Variants in RHEBL1 observed in about 807,000 individuals in gnomAD.
The protein encoded by RHEBL1 is RHEB like 1.
RHEBL1 carries 22 observed loss-of-function variants against 27.4 expected under a neutral mutation model. The observed-to-expected ratio is 0.80, with a 90% CI of 0.57 to 1.15. The LOEUF (loss-of-function observed/expected upper bound fraction) is 1.15. Among genes scored for constraint, RHEBL1 ranks in the 50% most tolerant of loss-of-function variants. The pLI is 0.00. For synonymous variants in RHEBL1, 85 were observed against 80.8 expected (o/e 1.05, Z -0.28); for missense variants, 186 against 226.5 (o/e 0.82, Z 1.15).
intron 6 of RHEBL1, 40 bp from the exon 7 acceptor site, chr12:49,065,471 T>C (rs748026660): frequency 4.0e-6 from 6 of 1,508,168 alleles, no homozygotes; most frequent in Non-Finnish European, 2.8e-6. Context: ...AGGATAGAAA[T>C]GTCAGTAAGT....
At chr12:49,066,917 C>T (rs1353635040) in intron 3 of RHEBL1, 51 bp downstream of exon 3, 1 of 1,445,806 alleles carries the variant, frequency 6.9e-7, no homozygotes, top group African/African-American at 1.4e-5. Context: ...TACCAGACTT[C>T]ATCTCCGAGG....
In RHEBL1 at chr12:49,069,930, A is replaced by C; in HGVS notation, c.-145T>G. ...GGGCAAGTTAGAAGGAAACCAAAAC[A>C]AGCGCCGCGCCCGGAGCTGCCCACG... is the stretch of plus-strand genomic sequence containing the variant. On this transcript the variant is annotated 5_prime_UTR_variant, in exon 1 of 8. Transcript: ENST00000301068. 1.5e-6 allele frequency: 1 copy of C among 681,146 alleles called. No individual in the cohort carries two copies. Among genetic ancestry groups the C allele is most frequent in the Non-Finnish European group, 2.6e-6 (1 of 385,766 alleles). The allele number at this position is 681,146 out of a possible 1,614,324, so 42.2% of individuals were successfully genotyped here. A position where few individuals can be genotyped will look rare whatever the true frequency, so the allele number is the denominator to read the frequency against.
At chr12:49,068,027 TAA>T (rs1219413277) in intron 2 of RHEBL1, among the ~76,000 whole-genome samples, 1 of 152,210 alleles carries the variant, frequency 6.6e-6, no homozygotes, top group Non-Finnish European at 1.5e-5. Flanking sequence ...ACTGATCTAC[TAA>T]GTCTTATTTC....
At chr12:49,066,420 GCT>G in intron 5 of RHEBL1, 54 bp downstream of exon 5, 1 of 1,578,416 alleles carries the variant, frequency 6.3e-7, no homozygotes, top group East Asian at 2.2e-5. Flanking sequence ...TCTCCCCTCT[GCT>G]CTCTCCCACC....
chr12:49,069,593 T>G, intron 1 of RHEBL1, 141 bp downstream of exon 1: 1 of 663,542 alleles, frequency 1.5e-6, no homozygotes, highest in Non-Finnish European at 2.6e-6. Context: ...CACTCTTCCA[T>G]TCCTCCACTC....
chr12:49,066,085 G>A lies in RHEBL1; in HGVS notation c.380+146C>T, dbSNP rs1938992750. On this transcript the variant is annotated intron_variant, in intron 6 of 7. Transcript: ENST00000301068. The stretch of plus-strand genomic sequence containing the variant: ...ATATGAAATTGTGGCTTTTAAGATA[G>A]AAGTATTATCTTCCTTAAGCTTCAG... The A allele has an allele frequency of 1.4e-5, 9 of 649,398 alleles. No individual in the cohort carries two copies. The Admixed American group carries it at 2.3e-4, about 17-fold the overall frequency. The allele number at this position is 649,398 out of a possible 1,614,324, so 40.2% of individuals were successfully genotyped here.
chr12:49,066,446 A>G (rs773597911), intron 5 of RHEBL1, 30 bp downstream of exon 5: 2 of 1,608,008 alleles, frequency 1.2e-6, no homozygotes, highest in East Asian at 2.2e-5. Context: ...TCATGCCCAC[A>G]CTATGTCCCT....
rs1383549002 is a variant in RHEBL1, at chr12:49,069,720, G to A, written c.52+14C>T. 9 of 1,613,204 alleles carry A rather than the reference G, an allele frequency of 5.6e-6. No individual in the cohort carries two copies. In the South Asian group the frequency reaches 9.9e-5, roughly 18 times the overall value. On this transcript the variant is annotated intron_variant, in intron 1 of 7. Transcript: ENST00000301068. ...AGCTGCTGCGCGTCCGAGCTCTGCAGGGCGGAGACTCACCTACACAGCGGT... is the reference window on the plus strand; with the variant it reads ...AGCTGCTGCGCGTCCGAGCTCTGCAAGGCGGAGACTCACCTACACAGCGGT...
At position 49,066,983 on chromosome 12, in the gene RHEBL1, C is replaced by T; in HGVS notation, c.177G>A (p.Val59=). Residue 59 remains valine, a synonymous_variant, in exon 3 of 8, where the codon GTG becomes GTA. Coordinates refer to ENST00000301068, the MANE Select transcript of RHEBL1 (RefSeq NM_144593.3). ...CAACTGGTACCTGCCCTGCTGTGTC[C>T]ACCAGATGTAGGTGAAACTCATCTT... ...LGKDEFHLHL[V]DTAGQDEYSI... The T allele has an allele frequency of 6.2e-7, 1 of 1,613,922 alleles. No homozygotes were observed. The highest frequency in any genetic ancestry group is 8.5e-7 in the Non-Finnish European group (1 of 1,179,776).
intron 2 of RHEBL1, among the ~76,000 whole-genome samples, chr12:49,068,169 GC>G (rs962833406): frequency 8.2e-5 from 11 of 134,176 alleles, no homozygotes; most frequent in Non-Finnish European, 1.6e-4. Context: ...CACTCTTGTT[GC>G]CCAGGCTAGA....
rs746951158 is a variant in RHEBL1 at position 49,066,192 on chromosome 12, T to C, written c.380+39A>G. The C allele has an allele frequency of 1.9e-6, 3 of 1,561,082 alleles. No individual in the cohort carries two copies. The East Asian group carries it at 6.7e-5, about 35-fold the overall frequency. On this transcript the variant is annotated intron_variant, in intron 6 of 7. Transcript: ENST00000301068. Reference sequence around the variant, plus strand: ...AGAGCCTGACTGATTCCCAGTCCATTTCACTTCCTTTTGCTCTGAGTAGCA... The same window carrying C: ...AGAGCCTGACTGATTCCCAGTCCATCTCACTTCCTTTTGCTCTGAGTAGCA...
At position 49,069,733 on chromosome 12, in the gene RHEBL1, C is replaced by A; in HGVS notation, c.52+1G>T. 5 of 1,613,834 alleles carry A rather than the reference C, an allele frequency of 3.1e-6. No individual in the cohort carries two copies. Among genetic ancestry groups the A allele is most frequent in the Non-Finnish European group, 4.2e-6 (5 of 1,179,892 alleles). On this transcript the variant is annotated splice_donor_variant, in intron 1 of 7. Transcript: ENST00000301068. LOFTEE classifies it high-confidence loss of function. Reference sequence around the variant, plus strand: ...CCGAGCTCTGCAGGGCGGAGACTCACCTACACAGCGGTATCCGAGGATGAC... The same window carrying A: ...CCGAGCTCTGCAGGGCGGAGACTCAACTACACAGCGGTATCCGAGGATGAC...
At chr12:49,065,815 C>T (rs1315561296) in intron 6 of RHEBL1, among the ~76,000 whole-genome samples, 1 of 151,950 alleles carries the variant, frequency 6.6e-6, no homozygotes, top group Non-Finnish European at 1.5e-5. Flanking sequence ...GTCCCAGCTA[C>T]TTGGGAAGCT....
intron 2 of RHEBL1, 118 bp downstream of exon 2, chr12:49,068,917 T>A: frequency 9.6e-7 from 1 of 1,044,644 alleles, no homozygotes; most frequent in Non-Finnish European, 1.4e-6. Flanking sequence ...AGAAATCAGA[T>A]GTAATGTCTA....
Position 49,069,768 on chromosome 12 carries a change from G to A in RHEBL1, c.18C>T (p.Tyr6=). Residue 6 remains tyrosine, a synonymous_variant, in exon 1 of 8, where the codon TAC becomes TAT. Coordinates refer to ENST00000301068, the MANE Select transcript of RHEBL1 (RefSeq NM_144593.3). MPLVR[Y]RKVVILGYRC... ...GGTATCCGAGGATGACCACCTTCCT[G>A]TAGCGGACTAGCGGCATGGCAGGAG... The A allele has an allele frequency of 6.2e-7, 1 of 1,613,804 alleles. No individual in the cohort carries two copies.
intron 3 of RHEBL1, 81 bp from the exon 4 acceptor site, chr12:49,066,782 C>T: frequency 7.4e-7 from 1 of 1,347,202 alleles, no homozygotes; most frequent in African/African-American, 1.4e-5. Flanking sequence ...TCCAGGTGAC[C>T]CTCCCTGGGG....
At chr12:49,065,961 G>T (rs1451777144) in intron 6 of RHEBL1, among the ~76,000 whole-genome samples, 1 of 151,982 alleles carries the variant, frequency 6.6e-6, no homozygotes, top group Admixed American at 6.6e-5. Context: ...GACTTTCTCT[G>T]ACCCATGCCA....
At chr12:49,066,398 TA>T in intron 5 of RHEBL1, 77 bp downstream of exon 5, 1 of 1,562,922 alleles carries the variant, frequency 6.4e-7, no homozygotes, top group Non-Finnish European at 8.8e-7. Context: ...GCCTCCTCTC[TA>T]ACTTGACAAT....
intron 3 of RHEBL1, 58 bp downstream of exon 3, chr12:49,066,910 C>T (rs1412776233): frequency 1.4e-6 from 2 of 1,396,998 alleles, no homozygotes; most frequent in Admixed American, 1.7e-5. Flanking sequence ...CAAAGACTAC[C>T]AGACTTCATC....
Sources: allele counts gnomAD v4.1 joint callset (sites outside exome capture counted in the v4.1 genomes callset), GRCh38; gene constraint gnomAD v4.1.1; transcripts MANE v1.5; gene names NCBI Gene and HGNC (gene_info 2026-07-23, HGNC 2026-07-21).